BRINP2: variants seen among roughly 807,000 people sequenced by gnomAD.
The protein encoded by BRINP2 is BMP/retinoic acid-inducible neural-specific protein 2.
Under a neutral mutation model 69.2 loss-of-function variants are expected in BRINP2, and 21 were observed. The ratio of observed to expected loss-of-function variants is 0.30; its 90% CI spans 0.22 to 0.44. The LOEUF (loss-of-function observed/expected upper bound fraction) is 0.44, where lower values mean the gene tolerates loss of function less well. Ranked by LOEUF, BRINP2 falls within the 20% of genes least tolerant of loss-of-function variation. The probability of loss-of-function intolerance (pLI) is 1.00; values close to 1 mark genes in which losing one functional copy is unlikely to be tolerated. For synonymous variants in BRINP2, 380 were observed against 394.1 expected (o/e 0.96, Z 0.42); for missense variants, 877 against 986.0 (o/e 0.89, Z 1.48).
At chr1:177,189,379 G>A (rs116151408) in intron 1 of BRINP2, among the ~76,000 whole-genome samples, 2,663 of 123,410 alleles carry the variant, frequency 0.022, 35 homozygotes, top group Non-Finnish European at 0.033. Context: ...TCCCAGAATA[G>A]GGTTCAGGAC....
intron 1 of BRINP2, among the ~76,000 whole-genome samples, chr1:177,184,477 C>T (rs1239462008): frequency 6.6e-6 from 1 of 152,124 alleles, no homozygotes; most frequent in East Asian, 1.9e-4. Flanking sequence ...AAGATAAATT[C>T]TTTCTCTCCC....
chr1:177,214,872 C>T (rs1301986674), intron 1 of BRINP2, among the ~76,000 whole-genome samples: 2 of 152,162 alleles, frequency 1.3e-5, no homozygotes, highest in Non-Finnish European at 2.9e-5. Flanking sequence ...AGCTAATTAA[C>T]CTGTCCATAA....
intron 1 of BRINP2, among the ~76,000 whole-genome samples, chr1:177,216,585 G>A (rs972463771): frequency 1.3e-5 from 2 of 151,944 alleles, no homozygotes; most frequent in African/African-American, 2.4e-5. Context: ...TATACTATTA[G>A]GTTTTGTACT....
chr1:177,180,598 A>T (rs1267826812), intron 1 of BRINP2, among the ~76,000 whole-genome samples: 1 of 152,154 alleles, frequency 6.6e-6, no homozygotes, highest in African/African-American at 2.4e-5. Context: ...TTCATCAATA[A>T]ACCCTTACCT....
At chr1:177,222,709 A>G (rs2102319617) in intron 1 of BRINP2, among the ~76,000 whole-genome samples, 1 of 151,966 alleles carries the variant, frequency 6.6e-6, no homozygotes, top group East Asian at 1.9e-4. Flanking sequence ...AAAAAAAAAA[A>G]GAAAAAGAAA....
chr1:177,254,867 A>G (rs1326303016), intron 2 of BRINP2, among the ~76,000 whole-genome samples: 1 of 152,248 alleles, frequency 6.6e-6, no homozygotes, highest in East Asian at 1.9e-4. Context: ...TGGTCATGAT[A>G]TTAAATAGTG....
chr1:177,260,246 T>C (rs933916566), intron 4 of BRINP2, among the ~76,000 whole-genome samples: 2 of 152,162 alleles, frequency 1.3e-5, no homozygotes, highest in Non-Finnish European at 2.9e-5. Flanking sequence ...AAATAAAACG[T>C]AGAGCCTGAA....
Position 177,257,370 on chromosome 1 carries a change from A to T in BRINP2, c.655A>T (p.Thr219Ser). 1.2e-6 allele frequency: 2 copies of T among 1,610,474 alleles called. No homozygotes were observed. The highest frequency in any genetic ancestry group is 2.2e-5 in the South Asian group (2 of 90,860). Residue 219 changes from threonine (T) to serine (S), a missense_variant, in exon 4 of 8, where the codon ACG becomes TCG. Physicochemically the swap from Thr to Ser is moderately conservative, Grantham distance 58. Transcript: ENST00000361539. ...ACGGCTGCACCATATCCAGATAGCC[A>T]CGGGGGCCATCAAGGTAATGACCTG... ...LRRLHHIQIA[T>S]GAIKVTETRT...
intron 1 of BRINP2, among the ~76,000 whole-genome samples, chr1:177,177,108 A>T (rs1180340407): frequency 1.3e-5 from 2 of 152,036 alleles, no homozygotes; most frequent in African/African-American, 4.8e-5. Flanking sequence ...ATGGCCATGT[A>T]TTAAAGATTA....
chr1:177,280,384 T>C, intron 7 of BRINP2, 28 bp from the exon 8 acceptor site: 1 of 1,558,728 alleles, frequency 6.4e-7, no homozygotes, highest in Non-Finnish European at 8.7e-7. Flanking sequence ...CTTTTGACTC[T>C]TACTTCATTT....
chr1:177,196,099 G>A (rs1571891491), intron 1 of BRINP2, among the ~76,000 whole-genome samples: 1 of 152,158 alleles, frequency 6.6e-6, no homozygotes, highest in African/African-American at 2.4e-5. Flanking sequence ...CTCAAAGCTG[G>A]CAATTTATAG....
chr1:177,189,125 T>C (rs1190549698), intron 1 of BRINP2, among the ~76,000 whole-genome samples: 1 of 152,182 alleles, frequency 6.6e-6, no homozygotes, highest in Admixed American at 6.5e-5. Flanking sequence ...TTAAAGATCT[T>C]AATGCAATTA....
intron 4 of BRINP2, among the ~76,000 whole-genome samples, chr1:177,265,363 A>T (rs758083406): frequency 6.6e-6 from 1 of 152,136 alleles, no homozygotes. Context: ...AGGCAATATA[A>T]TCATTCTCTT....
intron 2 of BRINP2, among the ~76,000 whole-genome samples, chr1:177,236,320 C>T (rs1323388581): frequency 6.6e-6 from 1 of 152,206 alleles, no homozygotes; most frequent in Non-Finnish European, 1.5e-5. Context: ...ATTTCCACTT[C>T]TGGCATAGAA....
At chr1:177,251,795 A>T (rs1218824942) in intron 2 of BRINP2, among the ~76,000 whole-genome samples, 1 of 152,182 alleles carries the variant, frequency 6.6e-6, no homozygotes, top group Non-Finnish European at 1.5e-5. Context: ...TATTTAATTA[A>T]AGTGGGGCCC....
chr1:177,244,814 T>C (rs1030544876), intron 2 of BRINP2, among the ~76,000 whole-genome samples: 21 of 152,116 alleles, frequency 1.4e-4, no homozygotes, highest in Non-Finnish European at 8.8e-5. Flanking sequence ...GCAGTTCTCA[T>C]AGTAAGGGCA....
chr1:177,237,651 G>A (rs1418257523), intron 2 of BRINP2, among the ~76,000 whole-genome samples: 1 of 152,198 alleles, frequency 6.6e-6, no homozygotes, highest in East Asian at 1.9e-4. Flanking sequence ...AGGGGGGAAG[G>A]GAAGATCAGT....
At chr1:177,229,675 C>A in intron 1 of BRINP2, 126 bp from the exon 2 acceptor site, 1 of 627,888 alleles carries the variant, frequency 1.6e-6, no homozygotes, top group South Asian at 3.3e-5. Flanking sequence ...AGCTAAATGC[C>A]GAGAACGAAG....
At chr1:177,280,260 G>A in intron 7 of BRINP2, 152 bp from the exon 8 acceptor site, 1 of 815,800 alleles carries the variant, frequency 1.2e-6, no homozygotes, top group Non-Finnish European at 1.9e-6. Flanking sequence ...GTCCAAAGTA[G>A]CAAAGTAGAG....
Sources: gnomAD v4.1 joint callset for allele counts (sites outside exome capture counted in the v4.1 genomes callset) on GRCh38, gnomAD v4.1.1 for gene constraint, MANE v1.5 for transcripts, NCBI Gene and HGNC (gene_info 2026-07-23, HGNC 2026-07-21) for gene names.